FOXK2: variants seen among roughly 807,000 people sequenced by gnomAD.
FOXK2 encodes the protein forkhead box K2, also known as forkhead box protein K2.
Under a neutral mutation model 53.3 loss-of-function variants are expected in FOXK2, and 24 were observed. The observed-to-expected ratio is 0.45, with a 90% CI of 0.33 to 0.63. The LOEUF (loss-of-function observed/expected upper bound fraction) is 0.63. Among genes scored for constraint, FOXK2 ranks in the 30% least tolerant of loss-of-function variants. FOXK2 has a pLI of 0.03. For missense variants in FOXK2, 952 were observed against 910.5 expected (o/e 1.05, Z -0.59); for synonymous variants, 505 against 407.1 (o/e 1.24, Z -2.89).
intron 1 of FOXK2, among the ~76,000 whole-genome samples, chr17:82,531,476 T>C (rs2044471617): frequency 6.6e-6 from 1 of 152,176 alleles, no homozygotes; most frequent in African/African-American, 2.4e-5. Context: ...AATGCATTGT[T>C]AGGTGATTTC....
rs1024460651 is a variant in FOXK2, at chr17:82,559,347, C to T, written c.420-4007C>T. On this transcript the variant is annotated intron_variant, in intron 1 of 8. Transcript: ENST00000335255. ...GGCGACCGTGCGGACTCCACAGCTGCGCTCAGCTCAGAGCCAGCTTCGTGT... is the reference window on the plus strand; with the variant it reads ...GGCGACCGTGCGGACTCCACAGCTGTGCTCAGCTCAGAGCCAGCTTCGTGT... 16 of 456,180 alleles carry T rather than the reference C, an allele frequency of 3.5e-5. No homozygotes were observed. In the East Asian group the frequency reaches 4.2e-4, roughly 12 times the overall value. 28.3% of individuals were successfully genotyped at this position (456,180 alleles called of 1,614,324 possible).
chr17:82,571,464 G>A (rs1001766903), intron 3 of FOXK2, among the ~76,000 whole-genome samples: 6 of 152,140 alleles, frequency 3.9e-5, no homozygotes, highest in East Asian at 3.9e-4. Context: ...AGCCGGGCGC[G>A]GTGGCAGGCG....
intron 4 of FOXK2, 123 bp downstream of exon 4, chr17:82,571,993 G>A: frequency 2.1e-6 from 2 of 943,722 alleles, no homozygotes; most frequent in Non-Finnish European, 2.9e-6. Flanking sequence ...AGCCTCCCGT[G>A]CTGAGAGGAA....
intron 1 of FOXK2, among the ~76,000 whole-genome samples, chr17:82,540,294 G>A (rs539453582): frequency 7.7e-4 from 113 of 146,692 alleles, no homozygotes; most frequent in Middle Eastern, 6.9e-3. Context: ...AAAAAAAAAA[G>A]AGTTACCTTT....
rs1407940714 is a variant in FOXK2, at chr17:82,573,560, T to TCACACA, written c.909+1691_909+1692insACACAC. The stretch of plus-strand genomic sequence containing the variant: ...CACTCTCTCTCTCTCTCTCTCTCTC[T>TCACACA]CTCACACACACACACACACACACAC... On this transcript the variant is annotated intron_variant, in intron 4 of 8. Coordinates refer to ENST00000335255, the MANE Select transcript of FOXK2 (RefSeq NM_004514.4). Among the ~76,000 whole-genome samples, 182 of 101,876 alleles carry TCACACA rather than the reference T, an allele frequency of 1.8e-3. 1 individual carries two copies. The highest frequency in any genetic ancestry group is 2.8e-3 in the African/African-American group (72 of 25,654). 66.8% of individuals were successfully genotyped at this position (101,876 alleles called of 152,430 possible). A position where few individuals can be genotyped will look rare whatever the true frequency, so the allele number is the denominator to read the frequency against.
At chr17:82,522,646 C>G (rs1223987759) in intron 1 of FOXK2, among the ~76,000 whole-genome samples, 1 of 151,940 alleles carries the variant, frequency 6.6e-6, no homozygotes, top group Non-Finnish European at 1.5e-5. Flanking sequence ...GCTGCGATTA[C>G]AGGCATGAGC....
At chr17:82,531,259 G>A (rs2044469851) in intron 1 of FOXK2, among the ~76,000 whole-genome samples, 1 of 152,156 alleles carries the variant, frequency 6.6e-6, no homozygotes, top group African/African-American at 2.4e-5. Flanking sequence ...TGAATTGGTT[G>A]GATGTGGGCT....
intron 1 of FOXK2, among the ~76,000 whole-genome samples, chr17:82,558,980 A>G (rs1374088474): frequency 1.3e-5 from 2 of 151,890 alleles, no homozygotes; most frequent in Non-Finnish European, 2.9e-5. Flanking sequence ...CGATCTCCTG[A>G]CCTCGTGATC....
At chr17:82,591,057 G>A (rs2045248710) in intron 8 of FOXK2, among the ~76,000 whole-genome samples, 1 of 152,232 alleles carries the variant, frequency 6.6e-6, no homozygotes, top group Non-Finnish European at 1.5e-5. Flanking sequence ...CGTGAAGACA[G>A]TGCTGACAGA....
At chr17:82,572,356 G>T (rs903159593) in intron 4 of FOXK2, among the ~76,000 whole-genome samples, 25 of 152,180 alleles carry the variant, frequency 1.6e-4, no homozygotes, top group Admixed American at 8.5e-4. Flanking sequence ...AGTTGGCCGG[G>T]GTAAAAAACA....
intron 2 of FOXK2, among the ~76,000 whole-genome samples, chr17:82,566,054 G>T (rs2044847850): frequency 6.6e-6 from 1 of 152,082 alleles, no homozygotes. Context: ...ATGGAGAGGT[G>T]GCCAGGGGCT....
At chr17:82,553,874 G>T (rs1253570970) in intron 1 of FOXK2, among the ~76,000 whole-genome samples, 1 of 151,882 alleles carries the variant, frequency 6.6e-6, no homozygotes, top group East Asian at 1.9e-4. Flanking sequence ...TTGCTCTGTT[G>T]CCAGGCTGGA....
chr17:82,539,418 G>C (rs1234682540), intron 1 of FOXK2, among the ~76,000 whole-genome samples: 1 of 152,088 alleles, frequency 6.6e-6, no homozygotes, highest in African/African-American at 2.4e-5. Flanking sequence ...AAGCTGATGC[G>C]GGAGGATCAG....
At position 82,602,421 on chromosome 17, in the gene FOXK2, T is replaced by G. The variant is rs1439686727; in HGVS notation, c.*922T>G. 1.3e-5 allele frequency: 2 copies of G among 152,230 alleles called. No homozygotes were observed. The highest frequency in any genetic ancestry group is 2.9e-5 in the Non-Finnish European group (2 of 68,042). The allele number at this position is 152,230 out of a possible 1,614,324, so 9.4% of individuals were successfully genotyped here. On this transcript the variant is annotated 3_prime_UTR_variant, in exon 9 of 9. Coordinates refer to ENST00000335255, the MANE Select transcript of FOXK2 (RefSeq NM_004514.4). ...GTGTATGTTTAAAACGACAGAACCA[T>G]TTCTACTTCATTTGGAAAAAGATTC...
chr17:82,548,895 T>C (rs938845669), intron 1 of FOXK2, among the ~76,000 whole-genome samples: 4 of 152,134 alleles, frequency 2.6e-5, no homozygotes, highest in African/African-American at 9.7e-5. Flanking sequence ...TGCGTCTCGA[T>C]GCATCGGCAC....
rs1208520480 is a variant in FOXK2 at position 82,577,489 on chromosome 17, G to A, written c.910-5252G>A. Reference sequence around the variant, plus strand: ...GTTAAGGTCTCGCAGCCAAAGCTGCGGCGTGCTCACTGCCCAGTCAGGGCA... The same window carrying A: ...GTTAAGGTCTCGCAGCCAAAGCTGCAGCGTGCTCACTGCCCAGTCAGGGCA... On this transcript the variant is annotated intron_variant, in intron 4 of 8. Coordinates refer to ENST00000335255, the MANE Select transcript of FOXK2 (RefSeq NM_004514.4). The A allele has an allele frequency of 2.2e-5, 7 of 323,898 alleles. No homozygotes were observed. The Admixed American group carries it at 2.5e-4, about 12-fold the overall frequency. 20.1% of individuals were successfully genotyped at this position (323,898 alleles called of 1,614,324 possible).
At chr17:82,575,608 C>G (rs118004023) in intron 4 of FOXK2, among the ~76,000 whole-genome samples, 4 of 152,216 alleles carry the variant, frequency 2.6e-5, no homozygotes, top group Non-Finnish European at 5.9e-5. Context: ...ACATCAGGAG[C>G]AGAAGACAGC....
At chr17:82,586,766 T>C (rs1449519375) in intron 7 of FOXK2, among the ~76,000 whole-genome samples, 5 of 152,064 alleles carry the variant, frequency 3.3e-5, no homozygotes, top group Non-Finnish European at 7.4e-5. Flanking sequence ...CTGGGCATGG[T>C]GGCGGGTGCC....
chr17:82,596,937 T>C (rs574404288), intron 8 of FOXK2, among the ~76,000 whole-genome samples: 1 of 152,332 alleles, frequency 6.6e-6, no homozygotes, highest in Admixed American at 6.5e-5. Context: ...GTCCCCGGGT[T>C]GTCAGGCGTG....
Sources: gnomAD v4.1 joint callset for allele counts (sites outside exome capture counted in the v4.1 genomes callset) on GRCh38, gnomAD v4.1.1 for gene constraint, MANE v1.5 for transcripts, NCBI Gene and HGNC (gene_info 2026-07-23, HGNC 2026-07-21) for gene names.